Variants in FLT4 observed in about 807,000 individuals in gnomAD.
FLT4 encodes the protein fms related receptor tyrosine kinase 4.
FLT4 carries 30 observed loss-of-function variants against 163.2 expected under a neutral mutation model. That is an observed-to-expected ratio of 0.18 (90% CI 0.14 to 0.25). FLT4 has a LOEUF of 0.25. FLT4 is among the 10% of genes least tolerant of loss of function. The pLI is 1.00. For synonymous variants in FLT4, 884 were observed against 789.5 expected (o/e 1.12, Z -2.01); for missense variants, 1,510 against 1,863.8 (o/e 0.81, Z 3.50).
chr5:180,631,486 G>A (rs2127841378), intron 2 of FLT4, among the ~76,000 whole-genome samples, 196 bp downstream of exon 2: 1 of 151,696 alleles, frequency 6.6e-6, no homozygotes, highest in East Asian at 1.9e-4. Flanking sequence ...AAAAAAAAAA[G>A]AAATGCTGAT....
chr5:180,642,189 AGAGT>A (rs1164855611), intron 1 of FLT4, among the ~76,000 whole-genome samples: 53 of 150,784 alleles, frequency 3.5e-4, no homozygotes, highest in African/African-American at 1.3e-3. Context: ...CTTGGGCGAC[AGAGT>A]GAGACTCTGT....
Position 180,621,679 on chromosome 5 carries a change from G to A in FLT4, c.1883C>T (p.Ala628Val), listed in dbSNP as rs1321898079. ...GAGCGTGGCGTGGCGCGCCCCAGGT[G>A]CCACCTCCTCCAGGCTGGCGGCCAG... is the stretch of plus-strand genomic sequence containing the variant. ...TPLAASLEEV[A>V]PGARHATLSL... is the part of the protein sequence containing the mutation. The change falls in exon 13 of 30, where the codon GCA becomes GTA. Residue 628 changes from alanine (A) to valine (V), a missense_variant. Physicochemically the swap from Ala to Val is moderately conservative, Grantham distance 64 (BLOSUM62 0). Around this residue, in one of 5 missense-constraint regions of FLT4, gnomAD observed 878 missense variants for 1,016.7 expected, o/e 0.86. Transcript: ENST00000261937. 6.2e-7 allele frequency: 1 copy of A among 1,611,500 alleles called. No homozygotes were observed. The highest frequency in any genetic ancestry group is 2.2e-5 in the East Asian group (1 of 44,830).
chr5:180,613,503 C>T (rs562381229), intron 24 of FLT4: 3 of 261,184 alleles, frequency 1.1e-5, no homozygotes, highest in South Asian at 1.2e-4. Flanking sequence ...GCTGCTCCCC[C>T]CAACCCCTGC....
chr5:180,623,800 C>T lies in FLT4; in HGVS notation c.1548+135G>A, dbSNP rs949693419. The T allele has an allele frequency of 1.2e-5, 13 of 1,122,276 alleles. No individual in the cohort carries two copies. The highest frequency in any genetic ancestry group is 1.5e-5 in the Non-Finnish European group (11 of 746,308). The allele number at this position is 1,122,276 out of a possible 1,614,324, so 69.5% of individuals were successfully genotyped here. ...AGGCAGGGTGGCCGAGGCCTACAGA[C>T]TGCAGGAAGGTCACCCGCTCTCGGC... On this transcript the variant is annotated intron_variant, in intron 11 of 29. Coordinates refer to ENST00000261937, the MANE Select transcript of FLT4 (RefSeq NM_182925.5). The surrounding 1 kb of genome is among the most constrained non-coding windows in gnomAD (Gnocchi z 5.8).
intron 29 of FLT4, 137 bp downstream of exon 29, chr5:180,608,831 C>T: frequency 1.3e-6 from 1 of 776,682 alleles, no homozygotes; most frequent in Non-Finnish European, 2.3e-6. Flanking sequence ...GGCAGCTCAC[C>T]TTGAACGCGC....
At chr5:180,621,365 T>C in intron 13 of FLT4, 113 bp from the exon 14 acceptor site, 1 of 1,422,866 alleles carries the variant, frequency 7.0e-7, no homozygotes, top group Non-Finnish European at 9.5e-7. Context: ...TTAGGGGTTG[T>C]GCGCCGGGCA....
chr5:180,639,048 TG>T (rs1211778546), intron 1 of FLT4, among the ~76,000 whole-genome samples: 1 of 151,416 alleles, frequency 6.6e-6, no homozygotes, highest in Non-Finnish European at 1.5e-5. Context: ...GGTGGGTAGA[TG>T]GGTGCAAGGG....
chr5:180,607,838 G>C, intron 29 of FLT4: 1 of 513,082 alleles, frequency 1.9e-6, no homozygotes, highest in East Asian at 3.3e-5. Context: ...ACAGGGTCAG[G>C]TGCTGAAGGG....
At chr5:180,647,010 G>A (rs887025694) in intron 1 of FLT4, among the ~76,000 whole-genome samples, 1 of 152,070 alleles carries the variant, frequency 6.6e-6, no homozygotes, top group African/African-American at 2.4e-5. Flanking sequence ...CAAGTAAAGT[G>A]GGCCTGATCC....
rs1554107726 is a variant in FLT4, at chr5:180,606,904, A to ACAAACAAAC, written c.3893+2063_3893+2064insGTTTGTTTG. 5.9e-4 allele frequency among the ~76,000 whole-genome samples: 73 copies of ACAAACAAAC among 122,704 alleles called. 1 individual carries two copies. The highest frequency in any genetic ancestry group is 2.1e-3 in the African/African-American group (70 of 33,650). 80.5% of individuals were successfully genotyped at this position (122,704 alleles called of 152,430 possible). A position where few individuals can be genotyped will look rare whatever the true frequency, so the allele number is the denominator to read the frequency against. The stretch of plus-strand genomic sequence containing the variant: ...AACCCCGTCTCTACTAAAAAAAAAA[A>ACAAACAAAC]AAAAAAAAAAACAAACAAACAAACT... On this transcript the variant is annotated intron_variant, in intron 29 of 29. Coordinates refer to ENST00000261937, the MANE Select transcript of FLT4 (RefSeq NM_182925.5).
chr5:180,611,205 T>G, intron 27 of FLT4, 126 bp downstream of exon 27: 56 of 1,172,452 alleles, frequency 4.8e-5, no homozygotes, highest in East Asian at 9.4e-5. Flanking sequence ...CTCTGTGCTC[T>G]GAGTTTGTGC....
chr5:180,619,503 C>A, intron 18 of FLT4, 137 bp from the exon 19 acceptor site: 1 of 950,260 alleles, frequency 1.1e-6, no homozygotes, highest in Middle Eastern at 2.1e-4. Flanking sequence ...AGAGGGGGTT[C>A]GGGTGGTCCC....
intron 10 of FLT4, 43 bp from the exon 11 acceptor site, chr5:180,624,104 C>A: frequency 6.2e-7 from 1 of 1,605,536 alleles, no homozygotes; most frequent in Non-Finnish European, 8.5e-7. Context: ...GGGATACAGG[C>A]AGGAAGGGCC....
chr5:180,610,084 C>G (rs535200757), intron 27 of FLT4, 59 bp from the exon 28 acceptor site: 51 of 1,611,130 alleles, frequency 3.2e-5, no homozygotes, highest in Middle Eastern at 3.3e-4. Flanking sequence ...CCTCGAACTT[C>G]TCTCCACTGT....
rs1762028696 is a variant in FLT4, at chr5:180,609,753, C to T, written c.3807+152G>A. 6.6e-6 allele frequency: 6 copies of T among 907,100 alleles called. No homozygotes were observed. The Admixed American group carries it at 1.1e-4, about 17-fold the overall frequency. 56.2% of individuals were successfully genotyped at this position (907,100 alleles called of 1,614,324 possible). On this transcript the variant is annotated intron_variant, in intron 28 of 29. Coordinates refer to ENST00000261937, the MANE Select transcript of FLT4 (RefSeq NM_182925.5). ...TGTGAGTCGTGGCATCGCAGGAGGG[C>T]CCAAATGTGCCCAAGGCTCACCCTG...
rs904047175 is a variant in FLT4 at position 180,628,875 on chromosome 5, C to T, written c.1103+7G>A. 5.7e-6 allele frequency: 9 copies of T among 1,580,138 alleles called. No homozygotes were observed. Among genetic ancestry groups the T allele is most frequent in the Non-Finnish European group, 7.8e-6 (9 of 1,155,780 alleles). ...CGGCGGGGTCGGTGGGGAGCCAGGGCTGTTACCACTGGAACTCGGGCGGGG... is the reference window on the plus strand; with the variant it reads ...CGGCGGGGTCGGTGGGGAGCCAGGGTTGTTACCACTGGAACTCGGGCGGGG... On this transcript the variant is annotated splice_region_variant and intron_variant, in intron 8 of 29. Coordinates refer to ENST00000261937, the MANE Select transcript of FLT4 (RefSeq NM_182925.5).
intron 1 of FLT4, among the ~76,000 whole-genome samples, chr5:180,641,768 G>A (rs1765130188): frequency 6.6e-6 from 1 of 152,222 alleles, no homozygotes; most frequent in Admixed American, 6.5e-5. Context: ...GAGCCCGCAT[G>A]CCCGGCTGGG....
intron 23 of FLT4, among the ~76,000 whole-genome samples, chr5:180,615,336 T>C (rs1762574278): frequency 1.8e-5 from 1 of 57,094 alleles, no homozygotes. Context: ...TTCGGAGCAC[T>C]GGGCCCCGCT....
chr5:180,624,866 A>G (rs1161878916), intron 10 of FLT4, among the ~76,000 whole-genome samples: 3 of 152,216 alleles, frequency 2.0e-5, no homozygotes, highest in Admixed American at 2.0e-4. Flanking sequence ...AGGGAGGCTC[A>G]TATCTGCCCC....
Sources: allele counts gnomAD v4.1 joint callset (sites outside exome capture counted in the v4.1 genomes callset), GRCh38; gene constraint gnomAD v4.1.1; regional missense constraint gnomAD v4.1.1; non-coding constraint Gnocchi (gnomAD v3.1); transcripts MANE v1.5; gene names NCBI Gene and HGNC (gene_info 2026-07-23, HGNC 2026-07-21).